CCDC88A: variants seen among roughly 807,000 people sequenced by gnomAD.
The protein encoded by CCDC88A is coiled-coil and HOOK domain protein 88A, also known as girdin.
A neutral mutation model predicts 234.3 loss-of-function variants in CCDC88A; 54 were observed. The observed-to-expected ratio is 0.23, with a 90% CI of 0.19 to 0.29. CCDC88A has a LOEUF of 0.29. CCDC88A is among the 10% of genes least tolerant of loss of function. The probability of loss-of-function intolerance (pLI) is 1.00; values close to 1 mark genes in which losing one functional copy is unlikely to be tolerated. For missense variants in CCDC88A, 1,832 were observed against 2,123.4 expected (o/e 0.86, Z 2.70); for synonymous variants, 753 against 737.8 (o/e 1.02, Z -0.33).
chr2:55,328,181 A>G lies in CCDC88A; in HGVS notation c.2997+113T>C, dbSNP rs1684492648. ...TCTCAAGTTTATGAAAAAGGAAGAA[A>G]TAGACTAAATATCAATAAAATGTTT... On this transcript the variant is annotated intron_variant, in intron 17 of 32. Transcript: ENST00000436346. This position sits in a 1 kb window ranked among gnomAD's most constrained non-coding sequence, Gnocchi z 4.3. 1 of 833,182 alleles carries G rather than the reference A, an allele frequency of 1.2e-6. No individual in the cohort carries two copies. Among genetic ancestry groups the G allele is most frequent in the African/African-American group, 1.8e-5 (1 of 57,060 alleles). The allele number at this position is 833,182 out of a possible 1,614,324, so 51.6% of individuals were successfully genotyped here.
chr2:55,339,742 G>T (rs1668245322), intron 12 of CCDC88A, 94 bp from the exon 13 acceptor site: 1 of 874,208 alleles, frequency 1.1e-6, no homozygotes, highest in Non-Finnish European at 1.7e-6. Flanking sequence ...TATATGCATT[G>T]CATCATCTGA....
At position 55,390,340 on chromosome 2, in the gene CCDC88A, G is replaced by T. The variant is rs1249132768; in HGVS notation, c.165-1454C>A. 3.3e-5 allele frequency among the ~76,000 whole-genome samples: 5 copies of T among 152,240 alleles called. 1 individual carries two copies. The highest frequency in any genetic ancestry group is 1.2e-4 in the African/African-American group (5 of 41,562). ...GGGAAGACCCTATGGATCCCCAAAA[G>T]GATCCTCCATCCATACTCTGAGAAC... On this transcript the variant is annotated intron_variant, in intron 2 of 32. Coordinates refer to ENST00000436346, the MANE Select transcript of CCDC88A (RefSeq NM_001365480.1).
intron 8 of CCDC88A, among the ~76,000 whole-genome samples, chr2:55,351,436 C>T (rs1669874032): frequency 6.6e-6 from 1 of 152,034 alleles, no homozygotes; most frequent in Non-Finnish European, 1.5e-5. Flanking sequence ...CAGCCTTGAC[C>T]TCCTGGTTCA....
Position 55,299,972 on chromosome 2 carries a change from G to A in CCDC88A, c.4745-53C>T, listed in dbSNP as rs1545121. ...GATAAAACTTCTAGCTGATGATGCT[G>A]ATGAGCTTTTACATTCTGATTACAG... is the stretch of plus-strand genomic sequence containing the variant. On this transcript the variant is annotated intron_variant, in intron 28 of 32. Coordinates refer to ENST00000436346, the MANE Select transcript of CCDC88A (RefSeq NM_001365480.1). 1,069,121 of 1,201,132 alleles carry A rather than the reference G, an allele frequency of 0.89. 482,925 individuals are homozygous for A. The highest frequency in any genetic ancestry group is 0.93 in the East Asian group (40,015 of 42,916). 74.4% of individuals were successfully genotyped at this position (1,201,132 alleles called of 1,614,324 possible). A position where few individuals can be genotyped will look rare whatever the true frequency, so the allele number is the denominator to read the frequency against.
intron 29 of CCDC88A, chr2:55,297,314 AAATATAT>A (rs1277312193): frequency 8.7e-5 from 9 of 103,932 alleles, no homozygotes; most frequent in East Asian, 2.6e-4. Context: ...AATTATATAT[AAATATAT>A]AATATATAAT....
intron 9 of CCDC88A, among the ~76,000 whole-genome samples, chr2:55,347,740 T>C (rs971213104): frequency 6.6e-6 from 1 of 150,666 alleles, no homozygotes; most frequent in Non-Finnish European, 1.5e-5. Flanking sequence ...GCCTCCCAAG[T>C]AGCTGGGATT....
At chr2:55,346,716 G>A (rs1001896369) in intron 9 of CCDC88A, among the ~76,000 whole-genome samples, 5 of 152,000 alleles carry the variant, frequency 3.3e-5, no homozygotes, top group East Asian at 1.9e-4. Context: ...CACCGCACTC[G>A]GCTGATAAAT....
chr2:55,382,962 C>T (rs1282465715), intron 3 of CCDC88A, among the ~76,000 whole-genome samples: 1 of 151,992 alleles, frequency 6.6e-6, no homozygotes, highest in East Asian at 1.9e-4. Flanking sequence ...CTATGCACCA[C>T]TGTAGCACCA....
Position 55,394,854 on chromosome 2 carries a change from GT to G in CCDC88A, c.165-5969del, listed in dbSNP as rs574473855. 1.7e-3 allele frequency among the ~76,000 whole-genome samples: 248 copies of G among 149,832 alleles called. 1 individual carries two copies. Among genetic ancestry groups the G allele is most frequent in the African/African-American group, 5.7e-3 (234 of 40,764 alleles). On this transcript the variant is annotated intron_variant, in intron 2 of 32. Coordinates refer to ENST00000436346, the MANE Select transcript of CCDC88A (RefSeq NM_001365480.1). ...AAAAAATGTTTTTGTTTTTGTTTTTGTTTTTTTTTGAGATGGAGTCTCACTC... is the reference window on the plus strand; with the variant it reads ...AAAAAATGTTTTTGTTTTTGTTTTTGTTTTTTTTGAGATGGAGTCTCACTC...
At chr2:55,349,114 G>A (rs1669545947) in intron 9 of CCDC88A, 1 of 156,018 alleles carries the variant, frequency 6.4e-6, no homozygotes, top group Non-Finnish European at 1.4e-5. Flanking sequence ...AATAGGAAAA[G>A]TGAAAAAAAT....
chr2:55,361,637 A>G (rs1428330180), intron 7 of CCDC88A, among the ~76,000 whole-genome samples: 1 of 152,228 alleles, frequency 6.6e-6, no homozygotes, highest in African/African-American at 2.4e-5. Context: ...GATAAAAGCT[A>G]TATATTCTGC....
At chr2:55,342,555 G>C (rs901275658) in intron 12 of CCDC88A, among the ~76,000 whole-genome samples, 1 of 152,122 alleles carries the variant, frequency 6.6e-6, no homozygotes, top group African/African-American at 2.4e-5. Flanking sequence ...AAACACTTAA[G>C]TCTGAATTGC....
chr2:55,415,000 G>A (rs11898619), intron 2 of CCDC88A, among the ~76,000 whole-genome samples: 7,277 of 150,430 alleles, frequency 0.048, 303 homozygotes, highest in African/African-American at 0.12. Context: ...CCGGGAGGTA[G>A]AGCTTGCAGT....
At chr2:55,310,172 T>C (rs1350733016) in intron 23 of CCDC88A, among the ~76,000 whole-genome samples, 2 of 152,206 alleles carry the variant, frequency 1.3e-5, no homozygotes, top group Non-Finnish European at 2.9e-5. Flanking sequence ...GGGAGAGTTT[T>C]TGTTTTACAT....
At chr2:55,354,633 G>A (rs985085504) in intron 8 of CCDC88A, among the ~76,000 whole-genome samples, 1 of 151,042 alleles carries the variant, frequency 6.6e-6, no homozygotes, top group Non-Finnish European at 1.5e-5. Flanking sequence ...TCACCATCTC[G>A]GCTCACTGCA....
chr2:55,317,895 T>C lies in CCDC88A; in HGVS notation c.3325-54A>G. The C allele has an allele frequency of 8.1e-7, 1 of 1,236,220 alleles. No individual in the cohort carries two copies. Among genetic ancestry groups the C allele is most frequent in the Non-Finnish European group, 1.1e-6 (1 of 887,998 alleles). The allele number at this position is 1,236,220 out of a possible 1,614,324, so 76.6% of individuals were successfully genotyped here. A position where few individuals can be genotyped will look rare whatever the true frequency, so the allele number is the denominator to read the frequency against. On this transcript the variant is annotated intron_variant, in intron 19 of 32. Transcript: ENST00000436346. This position sits in a 1 kb window ranked among gnomAD's most constrained non-coding sequence, Gnocchi z 4.2. The stretch of plus-strand genomic sequence containing the variant: ...TAAGAAAAACAGTTCATGTTCTTTT[T>C]CAAAATACAAGATTACAATGTTAAT...
chr2:55,339,431 T>C, intron 13 of CCDC88A, 33 bp downstream of exon 13: 2 of 1,413,140 alleles, frequency 1.4e-6, no homozygotes, highest in South Asian at 2.6e-5. Flanking sequence ...CAAGTTTTTT[T>C]AACATTAAAA....
chr2:55,395,553 A>G (rs151337398), intron 2 of CCDC88A, among the ~76,000 whole-genome samples: 3 of 152,274 alleles, frequency 2.0e-5, no homozygotes, highest in African/African-American at 7.2e-5. Flanking sequence ...AAAAATTACC[A>G]TATTTCCTAA....
chr2:55,324,602 A>G (rs186398306), intron 17 of CCDC88A, among the ~76,000 whole-genome samples: 3 of 152,078 alleles, frequency 2.0e-5, no homozygotes, highest in Admixed American at 2.0e-4. Context: ...TCATTTATCT[A>G]TGTTTTCATT....
Sources: allele counts gnomAD v4.1 joint callset (sites outside exome capture counted in the v4.1 genomes callset), GRCh38; gene constraint gnomAD v4.1.1; non-coding constraint Gnocchi (gnomAD v3.1); transcripts MANE v1.5; gene names NCBI Gene and HGNC (gene_info 2026-07-23, HGNC 2026-07-21).